ADAMTS12: variants seen among roughly 807,000 people sequenced by gnomAD.
ADAMTS12 encodes the protein A disintegrin and metalloproteinase with thrombospondin motifs 12.
In ADAMTS12, 118 loss-of-function variants were observed where a neutral mutation model predicts 167.8. The ratio of observed to expected loss-of-function variants is 0.70; its 90% CI spans 0.61 to 0.82. The LOEUF is 0.82. Ranked by LOEUF, ADAMTS12 falls within the 40% of genes least tolerant of loss-of-function variation. The pLI, the probability that ADAMTS12 is intolerant of heterozygous loss-of-function variation, is 0.00. For missense variants in ADAMTS12, 1,916 were observed against 1,998.8 expected, an observed-to-expected ratio of 0.96 and a Z score of 0.79; for synonymous variants, 704 against 716.9, an observed-to-expected ratio of 0.98 and a Z score of 0.29.
At chr5:33,844,615 C>T (rs568729209) in intron 2 of ADAMTS12, among the ~76,000 whole-genome samples, 3 of 152,116 alleles carry the variant, frequency 2.0e-5, no homozygotes, top group Non-Finnish European at 2.9e-5. Flanking sequence ...CAATGGTGCC[C>T]GAAACTTCAT....
At chr5:33,886,357 T>A (rs556657048) in intron 1 of ADAMTS12, among the ~76,000 whole-genome samples, 1 of 152,232 alleles carries the variant, frequency 6.6e-6, no homozygotes, top group African/African-American at 2.4e-5. Flanking sequence ...CCTCCTTCAA[T>A]ACTCACAACA....
rs768693086 is a variant in ADAMTS12, at chr5:33,576,975, T to C, written c.3051A>G (p.Pro1017=). 5.6e-6 allele frequency: 9 copies of C among 1,614,200 alleles called. No homozygotes were observed. Among genetic ancestry groups the C allele is most frequent in the Non-Finnish European group, 7.6e-6 (9 of 1,180,030 alleles). Residue 1017 remains proline, a synonymous_variant, in exon 19 of 24, where the codon CCA becomes CCG. Transcript: ENST00000504830. ...KGTISNGKNP[P]TLKPVPPPTS... ...TAGGTGGAGGGACGGGCTTTAGTGT[T>C]GGTGGGTTTTTTCCATTGGAAATAG...
rs1452600613 is a variant in ADAMTS12, at chr5:33,588,794, C to T, written c.2670G>A (p.Glu890=). The change falls in exon 18 of 24, where the codon GAG becomes GAA. Residue 890 remains glutamate, a synonymous_variant. Transcript: ENST00000504830. Reference sequence around the variant, plus strand: ...CGCATGTCGCCGAGCATGCTTCCCACTCCCCTGCCCACCACCTGCAGGCAA... The same window carrying T: ...CGCATGTCGCCGAGCATGCTTCCCATTCCCCTGCCCACCACCTGCAGGCAA... ...KACPPRWWAG[E]WEACSATCGP... 10 of 1,613,330 alleles carry T rather than the reference C, an allele frequency of 6.2e-6. No individual in the cohort carries two copies. The highest frequency in any genetic ancestry group is 5.0e-5 in the Admixed American group (3 of 60,000).
chr5:33,839,602 G>A (rs571905512), intron 2 of ADAMTS12, among the ~76,000 whole-genome samples: 26 of 152,238 alleles, frequency 1.7e-4, no homozygotes, highest in African/African-American at 5.5e-4. Context: ...GAGGGGAGCC[G>A]ACTGAAGACA....
chr5:33,844,473 TG>T (rs1748867143), intron 2 of ADAMTS12, among the ~76,000 whole-genome samples: 1 of 152,168 alleles, frequency 6.6e-6, no homozygotes, highest in South Asian at 2.1e-4. Flanking sequence ...TGGTGGAAAC[TG>T]TAGGGATGAA....
At chr5:33,863,036 C>T (rs537454218) in intron 2 of ADAMTS12, among the ~76,000 whole-genome samples, 11 of 152,246 alleles carry the variant, frequency 7.2e-5, no homozygotes, top group South Asian at 4.1e-4. Flanking sequence ...GTCGATGAAA[C>T]GTATCTCAAA....
At chr5:33,820,751 A>C (rs2112501656) in intron 2 of ADAMTS12, among the ~76,000 whole-genome samples, 1 of 152,364 alleles carries the variant, frequency 6.6e-6, no homozygotes, top group South Asian at 2.1e-4. Flanking sequence ...AGACTAGATA[A>C]GAAAATGTGG....
intron 9 of ADAMTS12, among the ~76,000 whole-genome samples, chr5:33,648,593 A>C (rs994616205): frequency 6.6e-6 from 1 of 152,190 alleles, no homozygotes; most frequent in Admixed American, 6.5e-5. Flanking sequence ...GCTGTGTCAA[A>C]CACCACCCAG....
At chr5:33,641,025 T>C (rs1370285803) in intron 11 of ADAMTS12, among the ~76,000 whole-genome samples, 2 of 151,886 alleles carry the variant, frequency 1.3e-5, no homozygotes, top group East Asian at 3.9e-4. Flanking sequence ...TAGATGAATG[T>C]AAATTTAGAT....
intron 3 of ADAMTS12, among the ~76,000 whole-genome samples, chr5:33,730,067 A>T (rs1233248464): frequency 6.6e-6 from 1 of 152,164 alleles, no homozygotes; most frequent in Non-Finnish European, 1.5e-5. Context: ...TCTTTCTTCC[A>T]CCCTGAGGCT....
intron 21 of ADAMTS12, among the ~76,000 whole-genome samples, chr5:33,548,295 C>A (rs148525833): frequency 6.6e-6 from 1 of 152,200 alleles, no homozygotes; most frequent in Non-Finnish European, 1.5e-5. Context: ...TCAAATCTTT[C>A]TGGTTGTGAA....
chr5:33,731,777 A>C (rs947870406), intron 3 of ADAMTS12, among the ~76,000 whole-genome samples: 2 of 152,230 alleles, frequency 1.3e-5, no homozygotes, highest in Non-Finnish European at 2.9e-5. Context: ...CTGATGGCTC[A>C]TGACCCTGCC....
intron 19 of ADAMTS12, among the ~76,000 whole-genome samples, chr5:33,569,679 A>C (rs568590619): frequency 7.9e-5 from 12 of 152,350 alleles, no homozygotes; most frequent in Admixed American, 2.0e-4. Flanking sequence ...AACTCTAAAA[A>C]GCACAGTGCA....
chr5:33,790,276 C>T (rs112100277), intron 2 of ADAMTS12, among the ~76,000 whole-genome samples: 2,204 of 152,052 alleles, frequency 0.014, 55 homozygotes, highest in African/African-American at 0.049. Flanking sequence ...CACATCTGGC[C>T]GGGCGCGGTG....
At chr5:33,676,523 T>G (rs543531267) in intron 5 of ADAMTS12, among the ~76,000 whole-genome samples, 8 of 147,994 alleles carry the variant, frequency 5.4e-5, no homozygotes, top group Admixed American at 5.3e-4. Flanking sequence ...AGACCCCATC[T>G]TTAAAAAAAA....
At chr5:33,776,282 T>G (rs1188435661) in intron 2 of ADAMTS12, among the ~76,000 whole-genome samples, 1 of 152,138 alleles carries the variant, frequency 6.6e-6, no homozygotes, top group Non-Finnish European at 1.5e-5. Flanking sequence ...TTCTTTCAAG[T>G]GCAAATGAGA....
chr5:33,563,716 C>T (rs1463036393), intron 19 of ADAMTS12, among the ~76,000 whole-genome samples: 1 of 152,190 alleles, frequency 6.6e-6, no homozygotes, highest in Admixed American at 6.5e-5. Context: ...AGAGGTGAGT[C>T]TCTATCAAAA....
At chr5:33,628,400 CT>C (rs1739760127) in intron 13 of ADAMTS12, among the ~76,000 whole-genome samples, 1 of 151,976 alleles carries the variant, frequency 6.6e-6, no homozygotes, top group South Asian at 2.1e-4. Flanking sequence ...AAATCTATAT[CT>C]TTGATAAACA....
At chr5:33,810,522 T>C (rs1292593670) in intron 2 of ADAMTS12, among the ~76,000 whole-genome samples, 2 of 152,204 alleles carry the variant, frequency 1.3e-5, no homozygotes, top group Non-Finnish European at 2.9e-5. Context: ...CTATTCAATA[T>C]GTGTCTTTTA....
Sources: gnomAD v4.1 joint callset for allele counts (sites outside exome capture counted in the v4.1 genomes callset) on GRCh38, gnomAD v4.1.1 for gene constraint, MANE v1.5 for transcripts, NCBI Gene and HGNC (gene_info 2026-07-23, HGNC 2026-07-21) for gene names.